Variants in EPCIP observed in about 807,000 individuals in gnomAD.
EPCIP encodes the protein exosomal polycystin 1 interacting protein.
the EPCIP span, among the ~76,000 whole-genome samples, chr21:32,791,679 T>C: frequency 1.3e-5 from 2 of 151,694 alleles, no homozygotes; most frequent in Admixed American, 1.3e-4. Flanking sequence ...CCCCCACCAA[T>C]TAAGCAAATG....
chr21:32,806,449 T>C, the EPCIP span, among the ~76,000 whole-genome samples: 1 of 152,142 alleles, frequency 6.6e-6, no homozygotes, highest in Non-Finnish European at 1.5e-5. Context: ...CCCTGGGGAC[T>C]CAAAGAAGCA....
At chr21:32,801,569 A>G in the EPCIP span, among the ~76,000 whole-genome samples, 1 of 152,230 alleles carries the variant, frequency 6.6e-6, no homozygotes, top group Non-Finnish European at 1.5e-5. Flanking sequence ...GGCCAGGCAC[A>G]GTGGCTGACG....
chr21:32,793,993 A>G, the EPCIP span: 1 of 1,614,070 alleles, frequency 6.2e-7, no homozygotes, highest in African/African-American at 1.3e-5. Flanking sequence ...CCCCACCGCT[A>G]TGGATGAGTA....
the EPCIP span, chr21:32,807,813 T>C: frequency 6.6e-6 from 1 of 152,258 alleles, no homozygotes; most frequent in Non-Finnish European, 1.5e-5. Context: ...GCATCATCCT[T>C]GAAAGCCATT....
chr21:32,791,187 A>G, the EPCIP span: 1 of 152,210 alleles, frequency 6.6e-6, no homozygotes, highest in Non-Finnish European at 1.5e-5. Context: ...AAACTGAACC[A>G]TATTTTTAGT....
the EPCIP span, among the ~76,000 whole-genome samples, chr21:32,792,377 TG>T: frequency 4.3e-4 from 65 of 152,308 alleles, no homozygotes; most frequent in African/African-American, 1.5e-3. Flanking sequence ...GAGCCTTAGA[TG>T]TTTTTTTGTT....
At chr21:32,801,738 G>A in the EPCIP span, among the ~76,000 whole-genome samples, 1 of 152,144 alleles carries the variant, frequency 6.6e-6, no homozygotes, top group South Asian at 2.1e-4. Context: ...AGCTACTCAG[G>A]AAGCTGAGGC....
the EPCIP span, among the ~76,000 whole-genome samples, chr21:32,808,424 T>C: frequency 2.6e-5 from 4 of 152,256 alleles, no homozygotes; most frequent in Non-Finnish European, 4.4e-5. Flanking sequence ...ACCTGCACTA[T>C]TTCCTTAAGA....
At chr21:32,802,577 T>A in the EPCIP span, among the ~76,000 whole-genome samples, 1 of 152,218 alleles carries the variant, frequency 6.6e-6, no homozygotes, top group Non-Finnish European at 1.5e-5. Flanking sequence ...GATTTCCATC[T>A]CTCCATTTGT....
the EPCIP span, among the ~76,000 whole-genome samples, chr21:32,807,012 A>G: frequency 3.9e-5 from 6 of 152,238 alleles, no homozygotes; most frequent in Non-Finnish European, 7.3e-5. Flanking sequence ...CAAAGCCATC[A>G]GATCTCGCAA....
chr21:32,800,343 A>G, the EPCIP span, among the ~76,000 whole-genome samples: 1 of 152,196 alleles, frequency 6.6e-6, no homozygotes, highest in Non-Finnish European at 1.5e-5. Context: ...GTATCTCCTC[A>G]ATTTAGAACC....
chr21:32,793,703 C>T, the EPCIP span: 3 of 1,508,830 alleles, frequency 2.0e-6, no homozygotes, highest in Non-Finnish European at 2.8e-6. Context: ...TTTCCAGATT[C>T]CTTCTGCAAA....
the EPCIP span, among the ~76,000 whole-genome samples, chr21:32,812,587 C>CA: frequency 4.6e-5 from 7 of 151,108 alleles, no homozygotes; most frequent in African/African-American, 1.7e-4. Flanking sequence ...AATGAAAAGT[C>CA]TTTTTTTTTC....
At chr21:32,792,155 C>T in the EPCIP span, among the ~76,000 whole-genome samples, 55 of 152,152 alleles carry the variant, frequency 3.6e-4, no homozygotes, top group Non-Finnish European at 6.5e-4. Context: ...CCGCCTGCCT[C>T]GGCCTCCCAA....
chr21:32,796,930 C>T, the EPCIP span: 1 of 469,178 alleles, frequency 2.1e-6, no homozygotes, highest in Admixed American at 2.4e-5. Flanking sequence ...GTCTGCCTCC[C>T]TGTTTCAGGT....
the EPCIP span, chr21:32,797,323 A>C: frequency 4.7e-6 from 1 of 212,446 alleles, no homozygotes; most frequent in Middle Eastern, 2.2e-3. Context: ...ATCTCAGCTC[A>C]CTGCAAGCTC....
the EPCIP span, among the ~76,000 whole-genome samples, chr21:32,801,094 A>G: frequency 6.6e-6 from 1 of 152,190 alleles, no homozygotes; most frequent in South Asian, 2.1e-4. Context: ...CCACGAAGGA[A>G]CCGACGGCCC....
the EPCIP span, among the ~76,000 whole-genome samples, chr21:32,805,082 C>T: frequency 7.2e-5 from 11 of 152,166 alleles, no homozygotes; most frequent in East Asian, 2.1e-3. Context: ...CCTAGATTAT[C>T]TGGGTGGGCC....
chr21:32,793,722 C>A, the EPCIP span: 4 of 1,580,316 alleles, frequency 2.5e-6, no homozygotes, highest in African/African-American at 5.4e-5. Flanking sequence ...AATTATTCAT[C>A]ATTTGCCAAA....
Sources: allele counts gnomAD v4.1 joint callset (sites outside exome capture counted in the v4.1 genomes callset), GRCh38; gene constraint gnomAD v4.1.1; transcripts MANE v1.5; gene names NCBI Gene and HGNC (gene_info 2026-07-23, HGNC 2026-07-21).